The following URB1 variants were observed in gnomAD, a reference collection of about 807,000 sequenced individuals.
URB1 encodes nucleolar pre-ribosomal-associated protein 1.
In URB1, 197 loss-of-function variants were observed where a neutral mutation model predicts 242.3. That is an observed-to-expected ratio of 0.81 (90% CI 0.72 to 0.91). The LOEUF is 0.91. Among genes scored for constraint, URB1 ranks in the 40% least tolerant of loss-of-function variants. The probability of loss-of-function intolerance (pLI) is 0.00; values close to 1 mark genes in which losing one functional copy is unlikely to be tolerated. For missense variants in URB1, 2,721 were observed against 2,860.5 expected, an observed-to-expected ratio of 0.95 and a Z score of 1.11; for synonymous variants, 1,153 against 1,201.8, an observed-to-expected ratio of 0.96 and a Z score of 0.84.
Position 32,320,214 on chromosome 21 carries a change from C to T in URB1, c.5594+317G>A, listed in dbSNP as rs183512463. Among the ~76,000 whole-genome samples, 7 of 152,288 alleles carry T rather than the reference C, an allele frequency of 4.6e-5. No individual in the cohort carries two copies. In the East Asian group the frequency reaches 9.6e-4, roughly 21 times the overall value. ...AGAGCACAGAAGGCTGCTGGGACAC[C>T]GGGGAGGAGTCTGACCTGTGCAGAA... On this transcript the variant is annotated intron_variant, in intron 35 of 38. Coordinates refer to ENST00000382751, the MANE Select transcript of URB1 (RefSeq NM_014825.3).
chr21:32,354,793 C>T (rs772497976), intron 17 of URB1, 66 bp downstream of exon 17: 9 of 1,512,180 alleles, frequency 6.0e-6, no homozygotes, highest in Non-Finnish European at 8.0e-6. Flanking sequence ...TGTTCTCAAT[C>T]TCTTAACACG....
rs746602950 is a variant in URB1 at position 32,349,301 on chromosome 21, T to A, written c.3012+3A>T. 1 of 1,537,566 alleles carries A rather than the reference T, an allele frequency of 6.5e-7. No individual in the cohort carries two copies. Among genetic ancestry groups the A allele is most frequent in the Non-Finnish European group, 8.8e-7 (1 of 1,140,146 alleles). On this transcript the variant is annotated splice_donor_region_variant and intron_variant, in intron 21 of 38. Transcript: ENST00000382751. The stretch of plus-strand genomic sequence containing the variant: ...TAGGCTACCAGGCAACCTGTGGCGG[T>A]ACCTGATCATTGGCCAACTCCAGCG...
At chr21:32,354,221 T>C (rs1278828543) in intron 17 of URB1, 118 bp from the exon 18 acceptor site, 1 of 1,150,818 alleles carries the variant, frequency 8.7e-7, no homozygotes, top group East Asian at 2.6e-5. Flanking sequence ...AAATTCCTCT[T>C]GGGGGGAGCA....
chr21:32,337,781 C>A (rs1300781895), intron 26 of URB1, among the ~76,000 whole-genome samples: 1 of 151,908 alleles, frequency 6.6e-6, no homozygotes, highest in Middle Eastern at 3.2e-3. Flanking sequence ...CCTTGGCATC[C>A]CAAAGTGCTG....
chr21:32,311,569 C>T lies in URB1; in HGVS notation c.*3349G>A. ...CCTTCTCAGGAATTTGCCTGTGTGG[C>T]CTTCCCTATGGGGTCCGGGCAGATG... On this transcript the variant is annotated 3_prime_UTR_variant, in exon 39 of 39. Coordinates refer to ENST00000382751, the MANE Select transcript of URB1 (RefSeq NM_014825.3). 4.1e-6 allele frequency: 6 copies of T among 1,453,722 alleles called. No homozygotes were observed. In the South Asian group the frequency reaches 5.5e-5, roughly 13 times the overall value. 90.1% of individuals were successfully genotyped at this position (1,453,722 alleles called of 1,614,324 possible).
chr21:32,333,563 G>T (rs756901219), intron 29 of URB1, 144 bp from the exon 30 acceptor site: 35 of 647,744 alleles, frequency 5.4e-5, no homozygotes, highest in Middle Eastern at 4.0e-4. Context: ...TCTTGGGGAT[G>T]GGAGCCAAGT....
intron 20 of URB1, among the ~76,000 whole-genome samples, chr21:32,350,161 G>A (rs190886507): frequency 3.9e-4 from 59 of 150,384 alleles, no homozygotes; most frequent in African/African-American, 1.2e-3. Context: ...GGCTGGGTGC[G>A]GTGGCTCATG....
intron 35 of URB1, 132 bp from the exon 36 acceptor site, chr21:32,319,546 G>A: frequency 1.0e-6 from 1 of 959,256 alleles, no homozygotes; most frequent in Admixed American, 3.8e-5. Flanking sequence ...CAGGGTGCTT[G>A]CTATACAAAC....
At position 32,381,086 on chromosome 21, in the gene URB1, C is replaced by A. The variant is rs148752258; in HGVS notation, c.567+2336G>T. ...GGACACAGCAGCTGCCCACTCTAGG[C>A]TCTAGGCTCTGCCACTGTCGTGGCC... is the stretch of plus-strand genomic sequence containing the variant. On this transcript the variant is annotated intron_variant, in intron 4 of 38. Transcript: ENST00000382751. Among the ~76,000 whole-genome samples, 146 of 152,364 alleles carry A rather than the reference C, an allele frequency of 9.6e-4. No homozygotes were observed. In the East Asian group the frequency reaches 0.022, roughly 23 times the overall value.
intron 14 of URB1, among the ~76,000 whole-genome samples, 197 bp from the exon 15 acceptor site, chr21:32,357,853 C>A (rs182086637): frequency 6.6e-6 from 1 of 152,198 alleles, no homozygotes; most frequent in Non-Finnish European, 1.5e-5. Flanking sequence ...CATGGCGAAA[C>A]CCTGTCTCTA....
At chr21:32,386,710 A>T (rs574225440) in intron 1 of URB1, among the ~76,000 whole-genome samples, 1 of 152,218 alleles carries the variant, frequency 6.6e-6, no homozygotes, top group Non-Finnish European at 1.5e-5. Flanking sequence ...TGGTAACGAA[A>T]CATTACCAAG....
chr21:32,392,699 T>C, intron 1 of URB1, 70 bp downstream of exon 1: 1 of 1,359,334 alleles, frequency 7.4e-7, no homozygotes, highest in African/African-American at 1.5e-5. Flanking sequence ...AAGGAGAGGC[T>C]GTGCCCGGCA....
intron 13 of URB1, 39 bp downstream of exon 13, chr21:32,360,968 G>C (rs777743156): frequency 2.1e-6 from 3 of 1,434,336 alleles, no homozygotes. Context: ...TTTATTGGCA[G>C]CAACAGTGGC....
rs545925778 is a variant in URB1, at chr21:32,332,684, A to G, written c.4960+633T>C. 4.6e-5 allele frequency among the ~76,000 whole-genome samples: 7 copies of G among 152,200 alleles called. No individual in the cohort carries two copies. The East Asian group carries it at 1.2e-3, about 25-fold the overall frequency. ...ATTTCACCAAAGAGGATGTGCAGAT[A>G]GCAAATAAGCCACAGGATGTTCAAC... On this transcript the variant is annotated intron_variant, in intron 30 of 38. Coordinates refer to ENST00000382751, the MANE Select transcript of URB1 (RefSeq NM_014825.3).
rs576816526 is a variant in URB1 at position 32,382,425 on chromosome 21, A to G, written c.567+997T>C. 3.9e-5 allele frequency among the ~76,000 whole-genome samples: 6 copies of G among 152,270 alleles called. No homozygotes were observed. In the East Asian group the frequency reaches 1.2e-3, roughly 29 times the overall value. ...TTCCTTAGAGAATACCTTATTTGTA[A>G]TTCCAGTAAAACCCTCAACACCAGG... On this transcript the variant is annotated intron_variant, in intron 4 of 38. Coordinates refer to ENST00000382751, the MANE Select transcript of URB1 (RefSeq NM_014825.3).
intron 1 of URB1, among the ~76,000 whole-genome samples, chr21:32,392,547 T>C (rs1227223940): frequency 6.6e-6 from 1 of 152,144 alleles, no homozygotes; most frequent in Non-Finnish European, 1.5e-5. Flanking sequence ...TGTTGTAACA[T>C]GAAACGGTCC....
chr21:32,319,136 T>C (rs1473572699), intron 36 of URB1, 81 bp downstream of exon 36: 32 of 1,396,296 alleles, frequency 2.3e-5, no homozygotes, highest in East Asian at 5.2e-5. Context: ...GAGTCATGAC[T>C]GAGACATGGT....
chr21:32,327,201 ATTGT>A (rs1415521635), intron 30 of URB1, among the ~76,000 whole-genome samples: 9 of 152,174 alleles, frequency 5.9e-5, no homozygotes, highest in East Asian at 1.9e-4. Flanking sequence ...TTGTGATCAA[ATTGT>A]TTGACACCAG....
intron 38 of URB1, among the ~76,000 whole-genome samples, chr21:32,315,889 CTG>C (rs1188935849): frequency 6.6e-6 from 1 of 152,216 alleles, no homozygotes; most frequent in Non-Finnish European, 1.5e-5. Context: ...CCACATTCCT[CTG>C]TGAAAGGACA....
Sources: allele counts gnomAD v4.1 joint callset (sites outside exome capture counted in the v4.1 genomes callset), GRCh38; gene constraint gnomAD v4.1.1; transcripts MANE v1.5; gene names NCBI Gene and HGNC (gene_info 2026-07-23, HGNC 2026-07-21).